The following GLG1 variants were observed in gnomAD, a reference collection of about 807,000 sequenced individuals.
GLG1 encodes golgi glycoprotein 1, also known as Golgi apparatus protein 1.
Under a neutral mutation model 160.5 loss-of-function variants are expected in GLG1, and 38 were observed. The observed-to-expected ratio is 0.24, with a 90% CI of 0.18 to 0.31. The LOEUF (loss-of-function observed/expected upper bound fraction) is 0.31, where lower values mean the gene tolerates loss of function less well. Among genes scored for constraint, GLG1 ranks in the 10% least tolerant of loss-of-function variants. GLG1 has a pLI of 1.00. For synonymous variants in GLG1, 644 were observed against 543.4 expected, an observed-to-expected ratio of 1.19 and a Z score of -2.57; for missense variants, 1,373 against 1,505.2, an observed-to-expected ratio of 0.91 and a Z score of 1.45.
At chr16:74,497,919 G>A (rs1426482700) in intron 4 of GLG1, among the ~76,000 whole-genome samples, 1 of 152,152 alleles carries the variant, frequency 6.6e-6, no homozygotes, top group Admixed American at 6.5e-5. Flanking sequence ...GATTACCACT[G>A]TTTACACAAA....
intron 1 of GLG1, among the ~76,000 whole-genome samples, chr16:74,587,881 G>GTT (rs1715821368): frequency 6.6e-6 from 1 of 152,082 alleles, no homozygotes; most frequent in Admixed American, 6.6e-5. Context: ...GCTATTGCAA[G>GTT]TACACTAAAG....
chr16:74,495,507 G>A (rs2016153157), intron 5 of GLG1, among the ~76,000 whole-genome samples: 1 of 152,198 alleles, frequency 6.6e-6, no homozygotes. Context: ...AAACCAGCAG[G>A]CAGAGTGGAA....
chr16:74,544,994 G>A (rs991501625), intron 1 of GLG1, among the ~76,000 whole-genome samples: 2 of 151,346 alleles, frequency 1.3e-5, no homozygotes, highest in African/African-American at 4.9e-5. Flanking sequence ...TACAAAAGAA[G>A]TGTTCTATTA....
intron 1 of GLG1, among the ~76,000 whole-genome samples, chr16:74,603,903 T>A (rs1183575050): frequency 6.6e-6 from 1 of 151,996 alleles, no homozygotes; most frequent in East Asian, 1.9e-4. Flanking sequence ...AACACACCAT[T>A]ACTGGCTATT....
intron 25 of GLG1, among the ~76,000 whole-genome samples, chr16:74,453,777 A>G (rs777499165): frequency 2.6e-5 from 4 of 152,142 alleles, no homozygotes; most frequent in Admixed American, 1.3e-4. Flanking sequence ...GGGTTCTTCT[A>G]TCTTTTGGTT....
intron 3 of GLG1, among the ~76,000 whole-genome samples, chr16:74,505,624 G>C (rs983516334): frequency 3.9e-5 from 6 of 152,194 alleles, no homozygotes; most frequent in Non-Finnish European, 8.8e-5. Context: ...GGAGGCTGAG[G>C]CAGGTGGACT....
intron 17 of GLG1, chr16:74,468,234 T>TA (rs1288589801): frequency 2.1e-5 from 2 of 96,258 alleles, no homozygotes; most frequent in Non-Finnish European, 4.6e-5. Flanking sequence ...GTCTTTTTTT[T>TA]TTTTTTTTTT....
At chr16:74,589,010 G>C (rs765342680) in intron 1 of GLG1, among the ~76,000 whole-genome samples, 22 of 151,738 alleles carry the variant, frequency 1.4e-4, no homozygotes, top group Admixed American at 2.6e-4. Context: ...GGGAGGCTGA[G>C]GGGGGTGGAT....
rs1425191091 is a variant in GLG1 at position 74,452,784 on chromosome 16, T to C, written c.*383A>G. 6.0e-6 allele frequency: 6 copies of C among 995,060 alleles called. No homozygotes were observed. Among genetic ancestry groups the C allele is most frequent in the Admixed American group, 1.2e-4 (2 of 17,388 alleles). 61.6% of individuals were successfully genotyped at this position (995,060 alleles called of 1,614,324 possible). ...CAAGCCTGGAGGAGATGCGTTACTA[T>C]ATACATTTTTTTCTTTAAAAAAATT... is the stretch of plus-strand genomic sequence containing the variant. On this transcript the variant is annotated 3_prime_UTR_variant, in exon 26 of 26. Transcript: ENST00000422840.
In GLG1 at chr16:74,606,860, G is replaced by C; in HGVS notation, c.235C>G (p.Gln79Glu). Reference protein sequence around the residue: ...SSQLQQQQQQQQQQQQPQPPQ... With the variant: ...SSQLQQQQQQEQQQQQPQPPQ... ...GGCTGAGGCTGCTGTTGCTGTTGCT[G>C]CTGCTGCTGTTGCTGCTGAAGCTGC... is the stretch of plus-strand genomic sequence containing the variant. The change falls in exon 1 of 26, where the codon CAG becomes GAG. Residue 79 changes from glutamine to glutamate, a missense_variant. Gln to Glu is a conservative substitution (Grantham distance 29). This residue lies in a region of GLG1 where 322 missense variants were observed against 254.6 expected (regional missense o/e 1.26). Transcript: ENST00000422840. 6.3e-7 allele frequency: 1 copy of C among 1,598,654 alleles called. No individual in the cohort carries two copies. The highest frequency in any genetic ancestry group is 8.5e-7 in the Non-Finnish European group (1 of 1,173,646).
At chr16:74,512,156 A>ATTTT (rs2016829633) in intron 2 of GLG1, among the ~76,000 whole-genome samples, 1 of 108,102 alleles carries the variant, frequency 9.3e-6, no homozygotes, top group Admixed American at 1.1e-4. Flanking sequence ...CTGGTCTTTT[A>ATTTT]TTTCTTTTTT....
chr16:74,594,856 A>C (rs973009244), intron 1 of GLG1, among the ~76,000 whole-genome samples: 13 of 152,146 alleles, frequency 8.5e-5, no homozygotes, highest in African/African-American at 3.1e-4. Context: ...AAAGGAATTA[A>C]GTTCTGCCAA....
In GLG1 at chr16:74,516,382, G is replaced by C. The variant is rs1597296059; in HGVS notation, c.472-7457C>G. Among the ~76,000 whole-genome samples, 5 of 151,894 alleles carry C rather than the reference G, an allele frequency of 3.3e-5. No individual in the cohort carries two copies. The East Asian group carries it at 7.7e-4, about 23-fold the overall frequency. On this transcript the variant is annotated intron_variant, in intron 2 of 25. Transcript: ENST00000422840. Reference sequence around the variant, plus strand: ...CTCAGACCACAGTGCAATCAAACTAGAACTCAGGATTAAGAAACTCACTCA... The same window carrying C: ...CTCAGACCACAGTGCAATCAAACTACAACTCAGGATTAAGAAACTCACTCA...
At chr16:74,597,530 C>T (rs934498818) in intron 1 of GLG1, among the ~76,000 whole-genome samples, 2 of 151,512 alleles carry the variant, frequency 1.3e-5, no homozygotes, top group Non-Finnish European at 2.9e-5. Context: ...ACCAGCATAG[C>T]CAACATGGCG....
At chr16:74,570,391 A>C in intron 1 of GLG1, among the ~76,000 whole-genome samples, 1 of 152,238 alleles carries the variant, frequency 6.6e-6, no homozygotes, top group South Asian at 2.1e-4. Flanking sequence ...TCAGCCTCAG[A>C]AAATCTTAAA....
intron 1 of GLG1, among the ~76,000 whole-genome samples, chr16:74,592,813 T>C (rs189354502): frequency 2.0e-5 from 3 of 152,206 alleles, no homozygotes; most frequent in Admixed American, 6.5e-5. Context: ...AATAGGTGTG[T>C]CCTCAGCAAA....
chr16:74,589,291 T>A (rs1001312074), intron 1 of GLG1, among the ~76,000 whole-genome samples: 1 of 151,522 alleles, frequency 6.6e-6, no homozygotes, highest in African/African-American at 2.4e-5. Flanking sequence ...TTAAACCATA[T>A]GAAAATGTTT....
chr16:74,452,770 G>C lies in GLG1; in HGVS notation c.*397C>G. The C allele has an allele frequency of 2.0e-6, 2 of 991,682 alleles. No individual in the cohort carries two copies. The highest frequency in any genetic ancestry group is 1.2e-6 in the Non-Finnish European group (1 of 833,222). The allele number at this position is 991,682 out of a possible 1,614,324, so 61.4% of individuals were successfully genotyped here. Reference sequence around the variant, plus strand: ...CCCATTGCCCAAATCAAGCCTGGAGGAGATGCGTTACTATATACATTTTTT... The same window carrying C: ...CCCATTGCCCAAATCAAGCCTGGAGCAGATGCGTTACTATATACATTTTTT... On this transcript the variant is annotated 3_prime_UTR_variant, in exon 26 of 26. Coordinates refer to ENST00000422840, the MANE Select transcript of GLG1 (RefSeq NM_001145667.2).
Position 74,480,334 on chromosome 16 carries a change from G to T in GLG1, c.1734C>A (p.His578Gln). 6.2e-7 allele frequency: 1 copy of T among 1,613,006 alleles called. No homozygotes were observed. The change falls in exon 11 of 26, where the codon CAC (histidine) becomes CAA (glutamine). Residue 578 changes from histidine (H) to glutamine (Q), a missense_variant. This residue lies in a region of GLG1 where 386 missense variants were observed against 388.5 expected (regional missense o/e 0.99). Coordinates refer to ENST00000422840, the MANE Select transcript of GLG1 (RefSeq NM_001145667.2). ...TAAATTCACTGGTCTCATTCCAACC[G>T]TGGGTGTGGCAAAGACGAGAAGCGT... ...QGDASRLCHT[H>Q]GWNETSEFMP...
Sources: gnomAD v4.1 joint callset for allele counts (sites outside exome capture counted in the v4.1 genomes callset) on GRCh38, gnomAD v4.1.1 for gene constraint, gnomAD v4.1.1 regional missense constraint, MANE v1.5 for transcripts, NCBI Gene and HGNC (gene_info 2026-07-23, HGNC 2026-07-21) for gene names.